Variants in EVA1C observed in about 807,000 individuals in gnomAD.
The protein encoded by EVA1C is eva-1 homolog C, also known as protein eva-1 homolog C.
A neutral mutation model predicts 45.4 loss-of-function variants in EVA1C; 25 were observed. The observed-to-expected ratio is 0.55, with a 90% confidence interval of 0.40 to 0.77. The LOEUF is 0.77. Among genes scored for constraint, EVA1C ranks in the 30% least tolerant of loss-of-function variants. The pLI is 0.00. For missense variants in EVA1C, 479 were observed against 554.8 expected (o/e 0.86, Z 1.37); for synonymous variants, 190 against 221.2 (o/e 0.86, Z 1.25).
chr21:32,417,021 T>C lies in EVA1C; in HGVS notation c.160+4008T>C, dbSNP rs150222833. Among the ~76,000 whole-genome samples the C allele has an allele frequency of 5.2e-3, 791 of 152,340 alleles. 9 individuals carry two copies. Among genetic ancestry groups the C allele is most frequent in the Admixed American group, 0.028 (422 of 15,304 alleles). On this transcript the variant is annotated intron_variant, in intron 1 of 7. Transcript: ENST00000300255. ...CCCAGGCCCGAGTGCAGTGGCTATT[T>C]GCAGGTGCAGTTATAGTGCACTGCA...
At chr21:32,433,830 G>A (rs1430283174) in intron 1 of EVA1C, among the ~76,000 whole-genome samples, 2 of 139,466 alleles carry the variant, frequency 1.4e-5, no homozygotes, top group African/African-American at 2.8e-5. Context: ...GGTTGATAGA[G>A]TGGGCTTTAT....
chr21:32,482,018 CTGA>C (rs977620907), intron 4 of EVA1C, among the ~76,000 whole-genome samples: 2 of 152,196 alleles, frequency 1.3e-5, no homozygotes, highest in Admixed American at 6.5e-5. Flanking sequence ...GTTAGGTGCC[CTGA>C]TGATGATAAT....
At chr21:32,496,937 C>A in intron 5 of EVA1C, 1 of 1,348,216 alleles carries the variant, frequency 7.4e-7, no homozygotes, top group Non-Finnish European at 1.1e-6. Flanking sequence ...GAAGGTGCAA[C>A]TAAAAGAAAC....
intron 1 of EVA1C, among the ~76,000 whole-genome samples, chr21:32,431,841 T>C (rs2034715980): frequency 6.6e-6 from 1 of 152,166 alleles, no homozygotes; most frequent in Non-Finnish European, 1.5e-5. Context: ...GACTTTCTCT[T>C]ATATAACCAG....
At chr21:32,441,964 G>A (rs994897935) in intron 1 of EVA1C, among the ~76,000 whole-genome samples, 1 of 152,156 alleles carries the variant, frequency 6.6e-6, no homozygotes, top group African/African-American at 2.4e-5. Flanking sequence ...GGAGAGAGAG[G>A]TAGTGGAGGG....
At chr21:32,413,940 C>A (rs903435577) in intron 1 of EVA1C, among the ~76,000 whole-genome samples, 1 of 152,214 alleles carries the variant, frequency 6.6e-6, no homozygotes, top group Admixed American at 6.5e-5. Context: ...TCAGGCTTTG[C>A]ACAGTCGGTC....
intron 1 of EVA1C, among the ~76,000 whole-genome samples, chr21:32,413,228 T>C (rs2033900226): frequency 6.6e-6 from 1 of 152,206 alleles, no homozygotes; most frequent in Non-Finnish European, 1.5e-5. Flanking sequence ...GGGTGTGTAA[T>C]GTATTCAGAG....
At chr21:32,492,518 G>A (rs1022104537) in intron 4 of EVA1C, among the ~76,000 whole-genome samples, 1 of 152,138 alleles carries the variant, frequency 6.6e-6, no homozygotes, top group South Asian at 2.1e-4. Context: ...TCTATAAGAC[G>A]TGAGCAGACA....
At chr21:32,495,484 T>A (rs2037321323) in intron 5 of EVA1C, among the ~76,000 whole-genome samples, 1 of 152,194 alleles carries the variant, frequency 6.6e-6, no homozygotes, top group Non-Finnish European at 1.5e-5. Context: ...CTGAGACCAG[T>A]GATTTTCATC....
At chr21:32,419,801 A>G (rs2034193219) in intron 1 of EVA1C, among the ~76,000 whole-genome samples, 1 of 136,958 alleles carries the variant, frequency 7.3e-6, no homozygotes, top group African/African-American at 2.7e-5. Context: ...AGAAGGTGGG[A>G]GCGGGGGTGG....
intron 1 of EVA1C, among the ~76,000 whole-genome samples, chr21:32,451,705 T>C (rs2035586004): frequency 6.6e-6 from 1 of 152,136 alleles, no homozygotes; most frequent in South Asian, 2.1e-4. Flanking sequence ...CAGCTTTGGG[T>C]GGTGGCCGGC....
chr21:32,514,524 T>TG (rs1288208084), intron 7 of EVA1C, among the ~76,000 whole-genome samples: 1 of 152,214 alleles, frequency 6.6e-6, no homozygotes, highest in Non-Finnish European at 1.5e-5. Flanking sequence ...GTCACACAGC[T>TG]ACTGAGTGGC....
At chr21:32,503,878 T>C (rs768932981) in intron 6 of EVA1C, 48 bp from the exon 7 acceptor site, 1 of 1,348,628 alleles carries the variant, frequency 7.4e-7, no homozygotes. Flanking sequence ...AGAATAGGCG[T>C]ACTATGAACA....
intron 1 of EVA1C, chr21:32,428,402 G>A (rs2034571623): frequency 6.6e-6 from 1 of 152,244 alleles, no homozygotes; most frequent in Non-Finnish European, 1.5e-5. Flanking sequence ...GTGGACAACG[G>A]GACAGATAAG....
intron 4 of EVA1C, among the ~76,000 whole-genome samples, chr21:32,483,098 A>G (rs529927265): frequency 1.9e-5 from 1 of 51,302 alleles, no homozygotes; most frequent in Non-Finnish European, 4.1e-5. Context: ...AGTTCAAGCA[A>G]TCCTCTCACC....
chr21:32,445,662 C>T (rs146462423), intron 1 of EVA1C, among the ~76,000 whole-genome samples: 190 of 152,276 alleles, frequency 1.2e-3, no homozygotes, highest in African/African-American at 4.3e-3. Flanking sequence ...AAGGACTTCC[C>T]TGTGTCTTTC....
chr21:32,479,448 A>C (rs915360636), intron 4 of EVA1C, among the ~76,000 whole-genome samples: 1 of 152,056 alleles, frequency 6.6e-6, no homozygotes, highest in African/African-American at 2.4e-5. Context: ...CCCAGAAAAA[A>C]GAAGCAGCAG....
rs765163603 is a variant in EVA1C, at chr21:32,453,439, G to T, written c.288G>T (p.Met96Ile). ...CATTTTATGGGCAAGATTACCAAATGTGTAGTTCCCAGAAGCCTGCCTCCC... is the reference window on the plus strand; with the variant it reads ...CATTTTATGGGCAAGATTACCAAATTTGTAGTTCCCAGAAGCCTGCCTCCC... ...QSAFYGQDYQMCSSQKPASQR... is the reference protein window; with the variant it reads ...QSAFYGQDYQICSSQKPASQR... The change falls in exon 2 of 8, where the codon ATG (methionine) becomes ATT (isoleucine). Residue 96 changes from methionine to isoleucine, a missense_variant. Met to Ile is a conservative substitution (Grantham distance 10, BLOSUM62 1). Around this residue, in one of 3 missense-constraint regions of EVA1C, gnomAD observed 33 missense variants for 64.9 expected, o/e 0.51. Transcript: ENST00000300255. 7.4e-6 allele frequency: 12 copies of T among 1,611,770 alleles called. No homozygotes were observed. The highest frequency in any genetic ancestry group is 1.0e-5 in the Non-Finnish European group (12 of 1,179,666).
intron 7 of EVA1C, among the ~76,000 whole-genome samples, chr21:32,511,093 G>A (rs1486873182): frequency 6.6e-6 from 1 of 151,396 alleles, no homozygotes; most frequent in Non-Finnish European, 1.5e-5. Flanking sequence ...TGCTGTCAAA[G>A]GATTATCATC....
Sources: gnomAD v4.1 joint callset for allele counts (sites outside exome capture counted in the v4.1 genomes callset) on GRCh38, gnomAD v4.1.1 for gene constraint, gnomAD v4.1.1 regional missense constraint, MANE v1.5 for transcripts, NCBI Gene and HGNC (gene_info 2026-07-23, HGNC 2026-07-21) for gene names.